PCDHA10: variants seen among roughly 807,000 people sequenced by gnomAD.
PCDHA10 encodes protocadherin alpha 10.
A neutral mutation model predicts 61.2 loss-of-function variants in PCDHA10; 45 were observed. The observed-to-expected ratio is 0.74, with a 90% CI of 0.58 to 0.94. PCDHA10 has a LOEUF of 0.94. Ranked by LOEUF, PCDHA10 falls within the 40% of genes least tolerant of loss-of-function variation. PCDHA10 has a pLI of 0.00. For synonymous variants in PCDHA10, 602 were observed against 548.8 expected (o/e 1.10, Z -1.35); for missense variants, 1,278 against 1,236.2 (o/e 1.03, Z -0.51).
intron 1 of PCDHA10, chr5:140,884,247 C>T: frequency 6.2e-7 from 1 of 1,613,398 alleles, no homozygotes. Context: ...CCCGCGCTGA[C>T]GGCCACGGCA....
chr5:140,888,446 A>G (rs1411131603), intron 1 of PCDHA10, among the ~76,000 whole-genome samples: 3 of 152,190 alleles, frequency 2.0e-5, no homozygotes, highest in Non-Finnish European at 2.9e-5. Context: ...GCCCAACAAT[A>G]AAGAATTAGC....
chr5:140,864,764 T>C (rs1202500851), intron 1 of PCDHA10: 2 of 152,238 alleles, frequency 1.3e-5, no homozygotes, highest in East Asian at 3.8e-4. Context: ...TTTTCTTTCA[T>C]TTTTGGTACC....
chr5:140,869,240 G>A (rs1262436049), intron 1 of PCDHA10: 1 of 1,613,514 alleles, frequency 6.2e-7, no homozygotes, highest in African/African-American at 1.3e-5. Context: ...ACCTTCGTGG[G>A]CCGCATCGCG....
intron 3 of PCDHA10, among the ~76,000 whole-genome samples, chr5:141,007,395 C>CAAAAAAAAAA (rs35800918): frequency 8.4e-5 from 8 of 94,862 alleles, no homozygotes; most frequent in African/African-American, 1.7e-4. Flanking sequence ...TACTAAAATA[C>CAAAAAAAAAA]AAAAAAAAAA....
chr5:140,903,334 G>A (rs1451948444), intron 1 of PCDHA10, among the ~76,000 whole-genome samples: 2 of 152,132 alleles, frequency 1.3e-5, no homozygotes, highest in Non-Finnish European at 2.9e-5. Context: ...TTGAGGAAAG[G>A]ATGCATTTTA....
At chr5:140,999,486 A>G (rs1282748321) in intron 3 of PCDHA10, among the ~76,000 whole-genome samples, 1 of 152,144 alleles carries the variant, frequency 6.6e-6, no homozygotes, top group Non-Finnish European at 1.5e-5. Context: ...ACTCAAGTCT[A>G]TGTTACCCAA....
At chr5:140,965,015 C>A (rs187456244) in intron 1 of PCDHA10, among the ~76,000 whole-genome samples, 116 of 152,260 alleles carry the variant, frequency 7.6e-4, no homozygotes, top group Non-Finnish European at 1.2e-3. Context: ...AGGATCACAA[C>A]CTTGGCTCCT....
intron 3 of PCDHA10, among the ~76,000 whole-genome samples, chr5:140,990,006 G>T (rs1249732911): frequency 1.3e-5 from 2 of 152,116 alleles, no homozygotes; most frequent in Non-Finnish European, 2.9e-5. Flanking sequence ...ATCTCCAAGG[G>T]CGTGGGCTAG....
In PCDHA10 at chr5:140,884,521, G is replaced by A. The variant is rs569278761; in HGVS notation, c.2388+26085G>A. On this transcript the variant is annotated intron_variant, in intron 1 of 3. Transcript: ENST00000307360. ...GCGCGGCAGGGAGTTGGTCGTACTCGCAGCAGAGGCGGCCGAGGGTGTGCT... is the reference window on the plus strand; with the variant it reads ...GCGCGGCAGGGAGTTGGTCGTACTCACAGCAGAGGCGGCCGAGGGTGTGCT... 8.1e-6 allele frequency: 13 copies of A among 1,614,196 alleles called. No homozygotes were observed. In the East Asian group the frequency reaches 2.0e-4, roughly 25 times the overall value.
intron 1 of PCDHA10, among the ~76,000 whole-genome samples, chr5:140,914,110 A>G (rs889499995): frequency 6.6e-6 from 1 of 152,168 alleles, no homozygotes; most frequent in Non-Finnish European, 1.5e-5. Flanking sequence ...GTGCAGATTA[A>G]GTCTGATGTT....
chr5:140,955,171 C>G (rs887184603), intron 1 of PCDHA10, among the ~76,000 whole-genome samples: 2 of 152,158 alleles, frequency 1.3e-5, no homozygotes, highest in African/African-American at 2.4e-5. Context: ...GTTTTGGTTA[C>G]TGTAGTTTTG....
intron 1 of PCDHA10, among the ~76,000 whole-genome samples, chr5:140,961,629 A>G (rs970820292): frequency 6.6e-6 from 1 of 152,162 alleles, no homozygotes; most frequent in Non-Finnish European, 1.5e-5. Flanking sequence ...CATATGAAAA[A>G]CAATCTTAAG....
intron 1 of PCDHA10, among the ~76,000 whole-genome samples, chr5:140,974,423 C>T (rs2096627451): frequency 6.6e-6 from 1 of 152,166 alleles, no homozygotes; most frequent in Non-Finnish European, 1.5e-5. Flanking sequence ...ATTTTACTTT[C>T]CTGGTTTGTA....
chr5:140,958,484 G>T (rs246009), intron 1 of PCDHA10, among the ~76,000 whole-genome samples: 1 of 151,754 alleles, frequency 6.6e-6, no homozygotes, highest in Non-Finnish European at 1.5e-5. Flanking sequence ...AGAGCACTAA[G>T]TCCACATATC....
intron 1 of PCDHA10, among the ~76,000 whole-genome samples, chr5:140,880,962 A>G (rs1439455519): frequency 6.6e-6 from 1 of 152,224 alleles, no homozygotes; most frequent in Non-Finnish European, 1.5e-5. Context: ...GATGAGGGTA[A>G]GAGAATACCA....
At chr5:140,954,297 C>T (rs1369831854) in intron 1 of PCDHA10, among the ~76,000 whole-genome samples, 2 of 152,180 alleles carry the variant, frequency 1.3e-5, no homozygotes, top group African/African-American at 4.8e-5. Flanking sequence ...TGGGTACATA[C>T]CCAGTAATGG....
In PCDHA10 at chr5:140,856,431, A is replaced by G. The variant is rs782173275; in HGVS notation, c.383A>G (p.Asn128Ser). 21 of 1,597,862 alleles carry G rather than the reference A, an allele frequency of 1.3e-5. 4 individuals are homozygous for G. In the South Asian group the frequency reaches 2.2e-4, roughly 17 times the overall value. Residue 128 changes from asparagine to serine, a missense_variant, in exon 1 of 4, where the codon AAC becomes AGC. Asn to Ser is a conservative substitution (Grantham distance 46). Transcript: ENST00000307360. ...VDVEVKDINDNPPRFSVTEQK... is the reference protein window; with the variant it reads ...VDVEVKDINDSPPRFSVTEQK... ...GTGGAAGTGAAGGACATTAACGACA[A>G]CCCGCCCAGGTTCTCCGTAACAGAA...
At chr5:140,981,203 C>T (rs2096922514) in intron 2 of PCDHA10, among the ~76,000 whole-genome samples, 1 of 152,212 alleles carries the variant, frequency 6.6e-6, no homozygotes, top group South Asian at 2.1e-4. Flanking sequence ...TCTGTTGCCT[C>T]ATATAACCCC....
At chr5:140,962,840 T>C (rs1554226297) in intron 1 of PCDHA10, among the ~76,000 whole-genome samples, 6 of 152,348 alleles carry the variant, frequency 3.9e-5, no homozygotes, top group African/African-American at 2.4e-5. Context: ...TTTTTTATTA[T>C]ATAACTTGTG....
Sources: allele counts gnomAD v4.1 joint callset (sites outside exome capture counted in the v4.1 genomes callset), GRCh38; gene constraint gnomAD v4.1.1; transcripts MANE v1.5; gene names NCBI Gene and HGNC (gene_info 2026-07-23, HGNC 2026-07-21).